The following DNAH6 variants were observed in gnomAD, a reference collection of about 807,000 sequenced individuals.
DNAH6 encodes the protein axonemal beta dynein heavy chain 6.
A neutral mutation model predicts 491.4 loss-of-function variants in DNAH6; 340 were observed. The observed-to-expected ratio is 0.69, with a 90% CI of 0.63 to 0.76. DNAH6 has a LOEUF of 0.76. Among genes scored for constraint, DNAH6 ranks in the 30% least tolerant of loss-of-function variants. The pLI is 0.00. For synonymous variants in DNAH6, 1,603 were observed against 1,686.1 expected (o/e 0.95, Z 1.21); for missense variants, 4,443 against 4,972.2 (o/e 0.89, Z 3.20).
Position 84,622,168 on chromosome 2 carries a change from C to T in DNAH6, c.4071+617C>T, listed in dbSNP as rs150672466. Among the ~76,000 whole-genome samples the T allele has an allele frequency of 4.5e-4, 69 of 152,216 alleles. No homozygotes were observed. In the East Asian group the frequency reaches 0.012, roughly 26 times the overall value. ...TCTATGAATTTAACTATTTTAGATA[C>T]GTCATATAAATAGATCATGCAGGAT... On this transcript the variant is annotated intron_variant, in intron 26 of 76. Coordinates refer to ENST00000389394, the MANE Select transcript of DNAH6 (RefSeq NM_001370.2).
intron 4 of DNAH6, among the ~76,000 whole-genome samples, chr2:84,535,990 G>A (rs1050359335): frequency 2.6e-5 from 4 of 151,904 alleles, no homozygotes; most frequent in Admixed American, 2.6e-4. Context: ...GATAGCACTG[G>A]TATTCAAGTA....
the DNAH6 span, among the ~76,000 whole-genome samples, chr2:84,483,556 T>C: frequency 6.6e-6 from 1 of 152,118 alleles, no homozygotes; most frequent in African/African-American, 2.4e-5. Context: ...GCTCTCTCTC[T>C]TTCCTCTTCT....
intron 11 of DNAH6, among the ~76,000 whole-genome samples, chr2:84,571,361 A>G (rs190527914): frequency 6.6e-6 from 1 of 152,302 alleles, no homozygotes; most frequent in Non-Finnish European, 1.5e-5. Flanking sequence ...TTCAAAGGGG[A>G]AAATAGTTCA....
intron 11 of DNAH6, among the ~76,000 whole-genome samples, chr2:84,558,949 A>G (rs1250156984): frequency 6.6e-6 from 1 of 152,142 alleles, no homozygotes; most frequent in Non-Finnish European, 1.5e-5. Context: ...CAAACCTAAA[A>G]TTTACCCATT....
chr2:84,764,777 G>A (rs900713080), intron 64 of DNAH6, among the ~76,000 whole-genome samples: 4 of 152,000 alleles, frequency 2.6e-5, no homozygotes, highest in African/African-American at 9.7e-5. Flanking sequence ...TTTTATGACT[G>A]CATAGCATTC....
intron 4 of DNAH6, among the ~76,000 whole-genome samples, chr2:84,543,916 A>G (rs1678503843): frequency 6.6e-6 from 1 of 152,156 alleles, no homozygotes; most frequent in African/African-American, 2.4e-5. Context: ...AGTTAATAAT[A>G]GCTCCAGATA....
chr2:84,810,903 A>G lies in DNAH6; in HGVS notation c.11740-1438A>G, dbSNP rs114414713. Among the ~76,000 whole-genome samples, 882 of 152,252 alleles carry G rather than the reference A, an allele frequency of 5.8e-3. 8 individuals carry two copies. Among genetic ancestry groups the G allele is most frequent in the African/African-American group, 0.02 (838 of 41,542 alleles). On this transcript the variant is annotated intron_variant, in intron 72 of 76. Coordinates refer to ENST00000389394, the MANE Select transcript of DNAH6 (RefSeq NM_001370.2). ...ATCGACTGCAACATGACCTCTTTCTATTTTAAGCAGACCTTGAAGATCTCA... is the reference window on the plus strand; with the variant it reads ...ATCGACTGCAACATGACCTCTTTCTGTTTTAAGCAGACCTTGAAGATCTCA...
the DNAH6 span, among the ~76,000 whole-genome samples, chr2:84,497,436 A>G: frequency 6.6e-6 from 1 of 152,214 alleles, no homozygotes; most frequent in Admixed American, 6.5e-5. Flanking sequence ...TTGTACAGAT[A>G]TAGACTTTGT....
At chr2:84,697,957 G>T (rs925888877) in intron 47 of DNAH6, 3 of 529,212 alleles carry the variant, frequency 5.7e-6, no homozygotes, top group Middle Eastern at 5.1e-4. Context: ...CCCCACAGAG[G>T]TCATAGTCTT....
chr2:84,712,647 G>A (rs1203935507), intron 56 of DNAH6, among the ~76,000 whole-genome samples: 3 of 152,162 alleles, frequency 2.0e-5, no homozygotes, highest in Admixed American at 2.0e-4. Context: ...CCTTAAAAAG[G>A]TAAAAGCCAT....
intron 64 of DNAH6, among the ~76,000 whole-genome samples, chr2:84,767,976 A>G (rs761855900): frequency 6.6e-6 from 1 of 152,160 alleles, no homozygotes; most frequent in Non-Finnish European, 1.5e-5. Flanking sequence ...TGGAAGACAT[A>G]TATTCTACGT....
chr2:84,689,929 C>G (rs1330137997), intron 45 of DNAH6, among the ~76,000 whole-genome samples: 1 of 152,182 alleles, frequency 6.6e-6, no homozygotes, highest in Non-Finnish European at 1.5e-5. Flanking sequence ...GAAGATCATT[C>G]CCATATTCTT....
At chr2:84,755,087 A>G (rs1456713804) in intron 63 of DNAH6, among the ~76,000 whole-genome samples, 1 of 152,218 alleles carries the variant, frequency 6.6e-6, no homozygotes, top group African/African-American at 2.4e-5. Context: ...TATGATTTAA[A>G]TGTGTTCCCC....
intron 74 of DNAH6, 36 bp downstream of exon 74, chr2:84,813,166 G>T: frequency 6.9e-7 from 1 of 1,449,758 alleles, no homozygotes. Flanking sequence ...CATAGGAATG[G>T]CCATGACTTC....
In DNAH6 at chr2:84,643,505, C is replaced by T. The variant is rs182693743; in HGVS notation, c.5078+1451C>T. 7.2e-4 allele frequency among the ~76,000 whole-genome samples: 109 copies of T among 152,180 alleles called. 1 individual carries two copies. Among genetic ancestry groups the T allele is most frequent in the African/African-American group, 2.5e-3 (103 of 41,532 alleles). On this transcript the variant is annotated intron_variant, in intron 33 of 76. Transcript: ENST00000389394. ...TACCCTCTGGTATTCCCACTGCACACGTGGTACTCCTTTTGTAGTTGTACC... is the reference window on the plus strand; with the variant it reads ...TACCCTCTGGTATTCCCACTGCACATGTGGTACTCCTTTTGTAGTTGTACC...
At chr2:84,671,156 C>G (rs1421075364) in intron 39 of DNAH6, among the ~76,000 whole-genome samples, 1 of 152,130 alleles carries the variant, frequency 6.6e-6, no homozygotes, top group Non-Finnish European at 1.5e-5. Context: ...AGTTTCTTCT[C>G]CCTAGCCAGT....
chr2:84,738,735 G>C (rs115043828), intron 62 of DNAH6, among the ~76,000 whole-genome samples: 1 of 152,158 alleles, frequency 6.6e-6, no homozygotes, highest in African/African-American at 2.4e-5. Flanking sequence ...CATAACATGT[G>C]AGATTGGGTC....
the DNAH6 span, among the ~76,000 whole-genome samples, chr2:84,501,098 T>C: frequency 6.6e-6 from 1 of 152,242 alleles, no homozygotes; most frequent in Non-Finnish European, 1.5e-5. Context: ...ATCCTTGTCA[T>C]GTTCCAGATC....
At chr2:84,461,196 T>C in the DNAH6 span, among the ~76,000 whole-genome samples, 2 of 152,246 alleles carry the variant, frequency 1.3e-5, no homozygotes, top group East Asian at 3.8e-4. Flanking sequence ...TAATCACTTA[T>C]GTCTTTAGAT....
Sources: gnomAD v4.1 joint callset for allele counts (sites outside exome capture counted in the v4.1 genomes callset) on GRCh38, gnomAD v4.1.1 for gene constraint, MANE v1.5 for transcripts, NCBI Gene and HGNC (gene_info 2026-07-23, HGNC 2026-07-21) for gene names.